NEGR1: variants seen among roughly 807,000 people sequenced by gnomAD.
NEGR1 encodes the protein neuronal growth regulator 1.
Under a neutral mutation model 40.9 loss-of-function variants are expected in NEGR1, and 10 were observed. The observed-to-expected ratio is 0.24, with a 90% confidence interval of 0.15 to 0.42. The LOEUF is 0.42. Ranked by LOEUF, NEGR1 falls within the 10% of genes least tolerant of loss-of-function variation. NEGR1 has a pLI of 1.00. For synonymous variants in NEGR1, 185 were observed against 166.8 expected, an observed-to-expected ratio of 1.11 and a Z score of -0.84; for missense variants, 352 against 438.9, an observed-to-expected ratio of 0.80 and a Z score of 1.77.
intron 1 of NEGR1, among the ~76,000 whole-genome samples, chr1:72,078,955 T>C (rs1647868560): frequency 6.6e-6 from 1 of 151,456 alleles, no homozygotes; most frequent in Admixed American, 6.6e-5. Flanking sequence ...ATTGATATTT[T>C]AACTATCTCC....
chr1:71,542,375 G>C (rs1272162309), intron 6 of NEGR1, among the ~76,000 whole-genome samples: 1 of 151,756 alleles, frequency 6.6e-6, no homozygotes, highest in Non-Finnish European at 1.5e-5. Context: ...CTGTTGACAA[G>C]TTTAGCAACA....
At position 71,760,531 on chromosome 1, in the gene NEGR1, T is replaced by A. The variant is rs10158956; in HGVS notation, c.535+15641A>T. 7.0e-3 allele frequency among the ~76,000 whole-genome samples: 1,071 copies of A among 152,324 alleles called. 9 individuals are homozygous for A. Among genetic ancestry groups the A allele is most frequent in the African/African-American group, 0.024 (1,012 of 41,576 alleles). The stretch of plus-strand genomic sequence containing the variant: ...GTGAAAGTTTAACTTGCCATCATTA[T>A]GTAGATTCATTCATTATATAATTAT... On this transcript the variant is annotated intron_variant, in intron 3 of 6. Coordinates refer to ENST00000357731, the MANE Select transcript of NEGR1 (RefSeq NM_173808.3).
intron 1 of NEGR1, among the ~76,000 whole-genome samples, chr1:71,941,191 A>T (rs1378358658): frequency 6.6e-6 from 1 of 152,150 alleles, no homozygotes; most frequent in Admixed American, 6.5e-5. Flanking sequence ...ATATTAACAG[A>T]GTTCAGAACC....
At chr1:71,695,211 A>T (rs1653436744) in intron 4 of NEGR1, among the ~76,000 whole-genome samples, 1 of 151,816 alleles carries the variant, frequency 6.6e-6, no homozygotes. Context: ...TCAGTTATAT[A>T]TGTGTGGCAT....
intron 6 of NEGR1, among the ~76,000 whole-genome samples, chr1:71,450,954 G>A (rs1216235112): frequency 1.3e-5 from 2 of 152,132 alleles, no homozygotes; most frequent in East Asian, 1.9e-4. Context: ...GGTAGCAATA[G>A]TGTAGCCTCC....
chr1:72,265,034 T>C (rs187806703), intron 1 of NEGR1, among the ~76,000 whole-genome samples: 1 of 151,058 alleles, frequency 6.6e-6, no homozygotes, highest in Non-Finnish European at 1.5e-5. Flanking sequence ...CATAAGATAG[T>C]TCAATGGTTG....
At chr1:72,273,077 T>C (rs1036567056) in intron 1 of NEGR1, among the ~76,000 whole-genome samples, 2 of 151,938 alleles carry the variant, frequency 1.3e-5, no homozygotes, top group Admixed American at 6.6e-5. Flanking sequence ...CACCAATAGA[T>C]AACATCCTCA....
chr1:72,120,725 T>C (rs1410575922), intron 1 of NEGR1, among the ~76,000 whole-genome samples: 3 of 152,018 alleles, frequency 2.0e-5, no homozygotes, highest in African/African-American at 7.2e-5. Flanking sequence ...GTGATCTCAT[T>C]GTTCAATTCC....
intron 4 of NEGR1, among the ~76,000 whole-genome samples, chr1:71,618,196 A>C (rs1308446592): frequency 1.3e-5 from 2 of 152,172 alleles, no homozygotes; most frequent in Non-Finnish European, 2.9e-5. Context: ...TCAGCTTTCG[A>C]AAGACTTTGA....
intron 4 of NEGR1, among the ~76,000 whole-genome samples, chr1:71,660,971 T>A (rs2422015): frequency 0.47 from 71,698 of 151,928 alleles, 16,991 homozygotes; most frequent in Middle Eastern, 0.54. Context: ...TGTTCCTGTG[T>A]TAGTTTGCTG....
At position 71,395,965 on chromosome 1, in the gene NEGR1, A is replaced by G. The variant is rs2101241846; in HGVS notation, c.*11481T>C. On this transcript the variant is annotated 3_prime_UTR_variant, in exon 7 of 7. Coordinates refer to ENST00000357731, the MANE Select transcript of NEGR1 (RefSeq NM_173808.3). ...AAATGTAGGATAACAGCCTTTATTCATATCACTAATTGTAATATGTACTAA... is the reference window on the plus strand; with the variant it reads ...AAATGTAGGATAACAGCCTTTATTCGTATCACTAATTGTAATATGTACTAA... 6.6e-6 allele frequency: 1 copy of G among 152,344 alleles called. No homozygotes were observed. The highest frequency in any genetic ancestry group is 3.4e-3 in the Middle Eastern group (1 of 294). 9.4% of individuals were successfully genotyped at this position (152,344 alleles called of 1,614,324 possible).
At chr1:71,872,697 C>T (rs1418357814) in intron 2 of NEGR1, among the ~76,000 whole-genome samples, 1 of 152,146 alleles carries the variant, frequency 6.6e-6, no homozygotes, top group African/African-American at 2.4e-5. Context: ...TAGTTTAGCA[C>T]ATTTTGACAG....
intron 3 of NEGR1, among the ~76,000 whole-genome samples, chr1:71,723,860 A>T (rs1654588599): frequency 6.6e-6 from 1 of 151,934 alleles, no homozygotes; most frequent in Non-Finnish European, 1.5e-5. Flanking sequence ...CTCAACTCTA[A>T]CTTGTGGTAT....
At chr1:72,065,600 G>C (rs1012249085) in intron 1 of NEGR1, among the ~76,000 whole-genome samples, 4 of 152,036 alleles carry the variant, frequency 2.6e-5, no homozygotes, top group African/African-American at 7.2e-5. Flanking sequence ...AATGGTAATT[G>C]GGACAAGTTT....
At chr1:71,683,223 CT>C in intron 4 of NEGR1, among the ~76,000 whole-genome samples, 1 of 152,016 alleles carries the variant, frequency 6.6e-6, no homozygotes, top group African/African-American at 2.4e-5. Flanking sequence ...CATTCTTATA[CT>C]ACAGGTATGG....
intron 1 of NEGR1, among the ~76,000 whole-genome samples, chr1:72,088,859 G>A (rs189996398): frequency 3.1e-4 from 40 of 128,874 alleles, no homozygotes; most frequent in Admixed American, 9.2e-4. Context: ...CATCCAAACT[G>A]GAGTTCAGTG....
chr1:71,490,111 G>A (rs1467367337), intron 6 of NEGR1: 1 of 151,912 alleles, frequency 6.6e-6, no homozygotes, highest in Non-Finnish European at 1.5e-5. Context: ...TTATCAATAT[G>A]ATGTCTATAG....
rs531252416 is a variant in NEGR1, at chr1:72,199,835, CA to C, written c.176+82483del. On this transcript the variant is annotated intron_variant, in intron 1 of 6. Transcript: ENST00000357731. The stretch of plus-strand genomic sequence containing the variant: ...TGAGGAACTTAAATAAAACAGCACA[CA>C]AAAAACAACCCCATTAAAAAATGGG... Among the ~76,000 whole-genome samples, 10 of 151,704 alleles carry C rather than the reference CA, an allele frequency of 6.6e-5. No individual in the cohort carries two copies. The East Asian group carries it at 1.9e-3, about 30-fold the overall frequency.
chr1:72,166,234 A>G (rs1374694589), intron 1 of NEGR1, among the ~76,000 whole-genome samples: 2 of 152,064 alleles, frequency 1.3e-5, no homozygotes, highest in Non-Finnish European at 2.9e-5. Context: ...GTTAAAAAAA[A>G]TATCGCCTCA....
Sources: gnomAD v4.1 joint callset for allele counts (sites outside exome capture counted in the v4.1 genomes callset) on GRCh38, gnomAD v4.1.1 for gene constraint, MANE v1.5 for transcripts, NCBI Gene and HGNC (gene_info 2026-07-23, HGNC 2026-07-21) for gene names.